CNTNAP4: variants seen among roughly 807,000 people sequenced by gnomAD.
CNTNAP4 encodes the protein contactin associated protein family member 4.
A neutral mutation model predicts 148.4 loss-of-function variants in CNTNAP4; 98 were observed. That is an observed-to-expected ratio of 0.66 (90% CI 0.56 to 0.78). CNTNAP4 has a LOEUF of 0.78. CNTNAP4 is among the 30% of genes least tolerant of loss of function. The probability of loss-of-function intolerance (pLI) is 0.00; values close to 1 mark genes in which losing one functional copy is unlikely to be tolerated. For missense variants in CNTNAP4, 1,935 were observed against 1,565.6 expected, an observed-to-expected ratio of 1.24 and a Z score of -3.98; for synonymous variants, 730 against 565.1, an observed-to-expected ratio of 1.29 and a Z score of -4.14.
At chr16:76,306,529 A>G (rs1960497132) in intron 1 of CNTNAP4, among the ~76,000 whole-genome samples, 1 of 152,316 alleles carries the variant, frequency 6.6e-6, no homozygotes, top group East Asian at 1.9e-4. Flanking sequence ...GTTGAAAGCA[A>G]AAAGTGAAAA....
chr16:76,361,839 T>C (rs2013477134), intron 3 of CNTNAP4, among the ~76,000 whole-genome samples: 1 of 152,192 alleles, frequency 6.6e-6, no homozygotes, highest in South Asian at 2.1e-4. Flanking sequence ...TTATCTTTTG[T>C]TTTCCTTGTT....
chr16:76,399,764 A>G lies in CNTNAP4; in HGVS notation c.391-27688A>G, dbSNP rs191422185. Among the ~76,000 whole-genome samples the G allele has an allele frequency of 2.7e-3, 407 of 152,330 alleles. 2 individuals are homozygous for G. Among genetic ancestry groups the G allele is most frequent in the Non-Finnish European group, 2.7e-3 (186 of 68,022 alleles). ...AAAGCACTGCTGTATTAAAACTTTG[A>G]TGCATCTTTTGTTATGCTTAACTGA... is the stretch of plus-strand genomic sequence containing the variant. On this transcript the variant is annotated intron_variant, in intron 3 of 23. Coordinates refer to ENST00000611870, the MANE Select transcript of CNTNAP4 (RefSeq NM_033401.5).
intron 15 of CNTNAP4, among the ~76,000 whole-genome samples, chr16:76,499,846 G>A (rs2082557560): frequency 6.6e-6 from 1 of 152,084 alleles, no homozygotes. Flanking sequence ...AGTGGACACA[G>A]CACATGTTTC....
At chr16:76,424,005 A>G (rs1255156558) in intron 3 of CNTNAP4, among the ~76,000 whole-genome samples, 1 of 152,108 alleles carries the variant, frequency 6.6e-6, no homozygotes, top group African/African-American at 2.4e-5. Flanking sequence ...CATATCCCCA[A>G]CCTCACAATT....
intron 15 of CNTNAP4, among the ~76,000 whole-genome samples, chr16:76,514,530 A>G (rs906553817): frequency 5.9e-5 from 9 of 152,178 alleles, no homozygotes; most frequent in African/African-American, 1.9e-4. Flanking sequence ...TCATAAAAGG[A>G]ATTTTCACTT....
intron 2 of CNTNAP4, among the ~76,000 whole-genome samples, chr16:76,339,461 A>C (rs1690655733): frequency 6.6e-6 from 1 of 152,176 alleles, no homozygotes; most frequent in South Asian, 2.1e-4. Flanking sequence ...AGATGACATT[A>C]ATATTCAGCA....
chr16:76,449,810 G>A lies in CNTNAP4; in HGVS notation c.1023G>A (p.Val341=). ...GCLENLYYNG[V]DIIDLAKQQK... ...TAGAAAATCTCTATTATAATGGAGT[G>A]GATATCATTGATTTGGCCAAGCAGC... Residue 341 remains valine, a synonymous_variant, in exon 7 of 24, where the codon GTG becomes GTA. Coordinates refer to ENST00000611870, the MANE Select transcript of CNTNAP4 (RefSeq NM_033401.5). 1 of 1,606,608 alleles carries A rather than the reference G, an allele frequency of 6.2e-7. No homozygotes were observed. The highest frequency in any genetic ancestry group is 8.5e-7 in the Non-Finnish European group (1 of 1,176,380).
At chr16:76,554,139 A>G (rs557474019) in intron 23 of CNTNAP4, among the ~76,000 whole-genome samples, 9 of 152,194 alleles carry the variant, frequency 5.9e-5, no homozygotes, top group Non-Finnish European at 1.0e-4. Flanking sequence ...TCACTGAAGC[A>G]TGGCACTCAA....
chr16:76,339,476 C>G (rs1964291249), intron 2 of CNTNAP4, among the ~76,000 whole-genome samples: 1 of 151,810 alleles, frequency 6.6e-6, no homozygotes, highest in African/African-American at 2.4e-5. Context: ...TCAGCAAATA[C>G]TCATTTATTC....
intron 7 of CNTNAP4, 95 bp from the exon 8 acceptor site, chr16:76,452,413 G>C: frequency 8.0e-7 from 1 of 1,250,476 alleles, no homozygotes; most frequent in Non-Finnish European, 1.1e-6. Flanking sequence ...GTTTTAAATC[G>C]CGGATAATGT....
intron 9 of CNTNAP4, among the ~76,000 whole-genome samples, chr16:76,463,382 G>A (rs2081055165): frequency 6.6e-6 from 1 of 152,034 alleles, no homozygotes; most frequent in African/African-American, 2.4e-5. Context: ...CATATTTTAT[G>A]TCCTTCATGT....
At chr16:76,520,818 G>A (rs191185475) in intron 15 of CNTNAP4, among the ~76,000 whole-genome samples, 11 of 152,252 alleles carry the variant, frequency 7.2e-5, no homozygotes, top group Admixed American at 2.6e-4. Flanking sequence ...TTGGCAGATC[G>A]TATAATATCA....
At chr16:76,479,618 A>C in intron 12 of CNTNAP4, 80 bp downstream of exon 12, 1 of 1,443,026 alleles carries the variant, frequency 6.9e-7, no homozygotes, top group Non-Finnish European at 9.4e-7. Context: ...AATAAGCAGA[A>C]TGTTGACGTA....
At chr16:76,373,847 A>G (rs2015121128) in intron 3 of CNTNAP4, among the ~76,000 whole-genome samples, 1 of 149,846 alleles carries the variant, frequency 6.7e-6, no homozygotes, top group South Asian at 2.1e-4. Flanking sequence ...ATGAGCCAAG[A>G]TCACGCCATT....
At chr16:76,375,169 C>T (rs923010607) in intron 3 of CNTNAP4, among the ~76,000 whole-genome samples, 1 of 152,062 alleles carries the variant, frequency 6.6e-6, no homozygotes, top group Non-Finnish European at 1.5e-5. Flanking sequence ...TGCCTGTAAT[C>T]CCAGCACTTT....
intron 14 of CNTNAP4, among the ~76,000 whole-genome samples, chr16:76,495,829 G>C (rs2082383054): frequency 6.6e-6 from 1 of 151,952 alleles, no homozygotes; most frequent in Admixed American, 6.6e-5. Context: ...AGTCAATCTG[G>C]ATGTAATATG....
intron 23 of CNTNAP4, chr16:76,557,839 A>G (rs1489739989): frequency 6.6e-6 from 1 of 152,226 alleles, no homozygotes; most frequent in African/African-American, 2.4e-5. Flanking sequence ...AGGGACCACT[A>G]CACGTCTACA....
intron 3 of CNTNAP4, among the ~76,000 whole-genome samples, chr16:76,406,480 T>C (rs1454475201): frequency 2.0e-5 from 3 of 151,948 alleles, no homozygotes; most frequent in African/African-American, 7.3e-5. Flanking sequence ...TCATTTTAAG[T>C]CAAAAACTAG....
At chr16:76,464,249 T>G (rs1427294256) in intron 9 of CNTNAP4, among the ~76,000 whole-genome samples, 4 of 152,160 alleles carry the variant, frequency 2.6e-5, no homozygotes, top group Non-Finnish European at 5.9e-5. Context: ...GGGTTCTAAG[T>G]GGACACATCA....
Sources: gnomAD v4.1 joint callset for allele counts (sites outside exome capture counted in the v4.1 genomes callset) on GRCh38, gnomAD v4.1.1 for gene constraint, MANE v1.5 for transcripts, NCBI Gene and HGNC (gene_info 2026-07-23, HGNC 2026-07-21) for gene names.